The following NTRK2 variants were observed in gnomAD, a reference collection of about 807,000 sequenced individuals.
NTRK2 encodes the protein BDNF/NT-3 growth factors receptor.
NTRK2 carries 13 observed loss-of-function variants against 94.5 expected under a neutral mutation model. The observed-to-expected ratio is 0.14, with a 90% CI of 0.09 to 0.22. NTRK2 has a LOEUF of 0.22. Ranked by LOEUF, NTRK2 falls within the 10% of genes least tolerant of loss-of-function variation. The probability of loss-of-function intolerance (pLI) is 1.00; values close to 1 mark genes in which losing one functional copy is unlikely to be tolerated. For missense variants in NTRK2, 639 were observed against 1,071.2 expected, an observed-to-expected ratio of 0.60 and a Z score of 5.63; for synonymous variants, 372 against 407.4, an observed-to-expected ratio of 0.91 and a Z score of 1.05.
intron 12 of NTRK2, among the ~76,000 whole-genome samples, chr9:84,832,908 A>G (rs2073648011): frequency 6.6e-6 from 1 of 152,100 alleles, no homozygotes; most frequent in Non-Finnish European, 1.5e-5. Flanking sequence ...TAATATCGGC[A>G]GCCACCCCCG....
chr9:84,767,730 T>A (rs530454195), intron 12 of NTRK2, among the ~76,000 whole-genome samples: 29 of 152,132 alleles, frequency 1.9e-4, no homozygotes, highest in Non-Finnish European at 4.1e-4. Flanking sequence ...CCATACTACG[T>A]CTCTCTCTCC....
intron 17 of NTRK2, among the ~76,000 whole-genome samples, chr9:84,995,474 C>G (rs2133356836): frequency 6.6e-6 from 1 of 152,220 alleles, no homozygotes; most frequent in Admixed American, 6.5e-5. Context: ...AAATGAATAA[C>G]ACATATGACT....
intron 11 of NTRK2, among the ~76,000 whole-genome samples, chr9:84,750,872 C>T (rs2064534525): frequency 6.6e-6 from 1 of 152,188 alleles, no homozygotes; most frequent in Non-Finnish European, 1.5e-5. Flanking sequence ...AGCATCATGC[C>T]TTGGTCAGCA....
intron 17 of NTRK2, among the ~76,000 whole-genome samples, chr9:84,964,992 A>G (rs1418248944): frequency 6.6e-6 from 1 of 152,212 alleles, no homozygotes; most frequent in East Asian, 1.9e-4. Flanking sequence ...TTTACATAAT[A>G]CTTTTTCTAC....
intron 9 of NTRK2, among the ~76,000 whole-genome samples, chr9:84,735,182 G>A (rs556780589): frequency 1.1e-4 from 16 of 152,172 alleles, no homozygotes; most frequent in African/African-American, 3.6e-4. Flanking sequence ...GTGAGACCCC[G>A]TGTCTATGAA....
At position 84,702,180 on chromosome 9, in the gene NTRK2, G is replaced by T; in HGVS notation, c.234G>T (p.Arg78Ser). The T allele has an allele frequency of 6.2e-7, 1 of 1,614,188 alleles. No individual in the cohort carries two copies. The change falls in exon 3 of 19, where the codon AGG (arginine) becomes AGT (serine). Residue 78 changes from arginine to serine, a missense_variant. By Grantham distance (110) the Arg-to-Ser change is moderately radical. Around this residue, in one of 5 missense-constraint regions of NTRK2, gnomAD observed 206 missense variants for 251.5 expected, o/e 0.82. Coordinates refer to ENST00000277120, the MANE Select transcript of NTRK2 (RefSeq NM_006180.6). ...ACAGTTTCATCGCAAACCAGAAAAG[G>T]TTAGAAATCATCAACGAAGATGATG... is the stretch of plus-strand genomic sequence containing the variant. ...ITEIFIANQK[R>S]LEIINEDDVE...
intron 12 of NTRK2, among the ~76,000 whole-genome samples, chr9:84,789,804 A>G (rs1484842756): frequency 2.6e-5 from 4 of 151,988 alleles, no homozygotes; most frequent in African/African-American, 7.2e-5. Context: ...TCCCTTTTCT[A>G]TCTTCCTACC....
intron 12 of NTRK2, among the ~76,000 whole-genome samples, chr9:84,777,202 C>T (rs1393899963): frequency 2.0e-5 from 3 of 152,138 alleles, no homozygotes; most frequent in Admixed American, 6.5e-5. Context: ...ATAGTAGAGT[C>T]ACTGGTAGCT....
chr9:84,877,957 G>C (rs1220481948), intron 14 of NTRK2: 1 of 1,009,518 alleles, frequency 9.9e-7, no homozygotes, highest in Non-Finnish European at 1.2e-6. Context: ...ATAGACTTGA[G>C]AATATAATTC....
intron 13 of NTRK2, among the ~76,000 whole-genome samples, chr9:84,864,729 T>A (rs1318948329): frequency 1.5e-5 from 2 of 136,532 alleles, no homozygotes; most frequent in Non-Finnish European, 3.0e-5. Context: ...TAACACATCT[T>A]AATTTTCTTT....
rs118138795 is a variant in NTRK2, at chr9:84,961,534, A to G, written c.2172+6017A>G. 6.2e-3 allele frequency among the ~76,000 whole-genome samples: 940 copies of G among 152,336 alleles called. 24 individuals are homozygous for G. The highest frequency in any genetic ancestry group is 0.044 in the Admixed American group (676 of 15,300). The stretch of plus-strand genomic sequence containing the variant: ...CTGTTTCAAGGTTCTAAATTGGTTT[A>G]ATTTGTATTCAGCCTCCCTAAGAAC... On this transcript the variant is annotated intron_variant, in intron 17 of 18. Transcript: ENST00000277120.
At chr9:84,705,199 T>C (rs2060971208) in intron 4 of NTRK2, among the ~76,000 whole-genome samples, 1 of 151,886 alleles carries the variant, frequency 6.6e-6, no homozygotes, top group Non-Finnish European at 1.5e-5. Flanking sequence ...TCACCACTTC[T>C]CCCCCTACCC....
intron 15 of NTRK2, among the ~76,000 whole-genome samples, chr9:84,944,630 C>T (rs2078532568): frequency 6.6e-6 from 1 of 152,202 alleles, no homozygotes; most frequent in Non-Finnish European, 1.5e-5. Flanking sequence ...TGTGAAAAAA[C>T]ATTGCAGGCC....
intron 12 of NTRK2, among the ~76,000 whole-genome samples, chr9:84,848,079 CAGAG>C (rs3029704): frequency 0.22 from 32,112 of 143,630 alleles, 4,269 homozygotes; most frequent in African/African-American, 0.39. Flanking sequence ...TAGAGAGGGG[CAGAG>C]AGAGAGAGAG....
intron 17 of NTRK2, 81 bp downstream of exon 17, chr9:84,955,598 A>C (rs376535381): frequency 8.8e-7 from 1 of 1,133,988 alleles, no homozygotes; most frequent in Non-Finnish European, 1.3e-6. Flanking sequence ...TGAGGCTGTC[A>C]TAACAAAATA....
intron 10 of NTRK2, among the ~76,000 whole-genome samples, chr9:84,744,431 C>T (rs1345256384): frequency 6.6e-6 from 1 of 152,156 alleles, no homozygotes; most frequent in African/African-American, 2.4e-5. Flanking sequence ...TATCCTCTTA[C>T]GTCTCTGCCC....
chr9:84,741,437 A>G (rs1443068942), intron 9 of NTRK2, among the ~76,000 whole-genome samples: 1 of 152,228 alleles, frequency 6.6e-6, no homozygotes, highest in Non-Finnish European at 1.5e-5. Flanking sequence ...AGGGTGGTTA[A>G]TAACAAGCTC....
Position 84,950,594 on chromosome 9 carries a change from T to A in NTRK2, c.1937+1960T>A, listed in dbSNP as rs1317655. ...AAGTTTTATCTGGGTCTAATATGTT[T>A]TTTTTTTTTTTAATTTAGCTAGTCC... is the stretch of plus-strand genomic sequence containing the variant. On this transcript the variant is annotated intron_variant, in intron 16 of 18. Transcript: ENST00000277120. 4.5e-3 allele frequency among the ~76,000 whole-genome samples: 264 copies of A among 58,046 alleles called. 4 individuals are homozygous for A. The highest frequency in any genetic ancestry group is 0.012 in the African/African-American group (218 of 17,764). 38.1% of individuals were successfully genotyped at this position (58,046 alleles called of 152,430 possible).
intron 6 of NTRK2, among the ~76,000 whole-genome samples, chr9:84,712,004 T>C (rs556997038): frequency 1.3e-5 from 2 of 152,218 alleles, no homozygotes; most frequent in African/African-American, 4.8e-5. Context: ...TGTTCTCTGT[T>C]CTGGTGCAAA....
Sources: allele counts gnomAD v4.1 joint callset (sites outside exome capture counted in the v4.1 genomes callset), GRCh38; gene constraint gnomAD v4.1.1; regional missense constraint gnomAD v4.1.1; transcripts MANE v1.5; gene names NCBI Gene and HGNC (gene_info 2026-07-23, HGNC 2026-07-21).